Variants in VTI1A observed in about 807,000 individuals in gnomAD.
VTI1A encodes vesicle transport through interaction with t-SNAREs 1A.
In VTI1A, 22 loss-of-function variants were observed where a neutral mutation model predicts 34.9. That is an observed-to-expected ratio of 0.63 (90% confidence interval 0.45 to 0.90). VTI1A has a LOEUF of 0.90. VTI1A is among the 40% of genes least tolerant of loss of function. VTI1A has a pLI of 0.00. For synonymous variants in VTI1A, 87 were observed against 97.3 expected (o/e 0.89, Z 0.62); for missense variants, 268 against 275.6 (o/e 0.97, Z 0.20).
chr10:112,826,879 A>G, the VTI1A span: 2 of 152,144 alleles, frequency 1.3e-5, no homozygotes, highest in African/African-American at 2.4e-5. Flanking sequence ...AAAAAGTAAT[A>G]CTGCTTTAAG....
At chr10:112,501,734 C>T in intron 3 of VTI1A, among the ~76,000 whole-genome samples, 1 of 133,958 alleles carries the variant, frequency 7.5e-6, no homozygotes, top group African/African-American at 2.8e-5. Flanking sequence ...ATTGAATAGT[C>T]AGATTGTTTT....
At chr10:112,850,590 C>A in the VTI1A span, among the ~76,000 whole-genome samples, 1 of 152,142 alleles carries the variant, frequency 6.6e-6, no homozygotes, top group African/African-American at 2.4e-5. Flanking sequence ...ACTTAAGTTT[C>A]TGCAGAGCAC....
intron 5 of VTI1A, among the ~76,000 whole-genome samples, chr10:112,653,898 A>T (rs1436676197): frequency 6.6e-6 from 1 of 152,154 alleles, no homozygotes; most frequent in African/African-American, 2.4e-5. Context: ...TTGGTAAAAG[A>T]CTCAGTTTTA....
chr10:112,628,599 A>G (rs1275327982), intron 5 of VTI1A, among the ~76,000 whole-genome samples: 1 of 152,226 alleles, frequency 6.6e-6, no homozygotes, highest in Non-Finnish European at 1.5e-5. Context: ...CTGCCCTGGC[A>G]CTGGTTCTCA....
At chr10:112,835,951 T>C in the VTI1A span, among the ~76,000 whole-genome samples, 1 of 152,238 alleles carries the variant, frequency 6.6e-6, no homozygotes, top group African/African-American at 2.4e-5. Context: ...GACATTATTA[T>C]TTGTTGCTTT....
intron 5 of VTI1A, among the ~76,000 whole-genome samples, chr10:112,598,660 T>C (rs1844763447): frequency 1.3e-5 from 2 of 152,194 alleles, no homozygotes; most frequent in African/African-American, 4.8e-5. Context: ...GTAGGATACA[T>C]CAAAGACCCA....
At chr10:112,502,790 C>CTA (rs1228431965) in intron 3 of VTI1A, among the ~76,000 whole-genome samples, 2 of 152,196 alleles carry the variant, frequency 1.3e-5, no homozygotes, top group East Asian at 3.8e-4. Context: ...AACTCTAACC[C>CTA]TATATAACCC....
At chr10:112,777,217 G>A (rs1295404981) in intron 7 of VTI1A, among the ~76,000 whole-genome samples, 1 of 152,114 alleles carries the variant, frequency 6.6e-6, no homozygotes, top group East Asian at 1.9e-4. Context: ...TTCTATACAT[G>A]GATGACCAGA....
At position 112,464,648 on chromosome 10, in the gene VTI1A, A is replaced by G; in HGVS notation, c.255A>G (p.Glu85=). The part of the protein sequence containing the change: ...RSYKQEMGKL[E]TDFKRSRIAY... ...ACAAACAAGAAATGGGAAAACTCGA[A>G]ACAGATTTTGTGAGTCAAATTCGAC... Residue 85 remains glutamate (E), a synonymous_variant, in exon 3 of 8, where the codon GAA becomes GAG. Coordinates refer to ENST00000393077, the MANE Select transcript of VTI1A (RefSeq NM_145206.4). The G allele has an allele frequency of 6.2e-7, 1 of 1,610,748 alleles. No individual in the cohort carries two copies. Among genetic ancestry groups the G allele is most frequent in the Non-Finnish European group, 8.5e-7 (1 of 1,178,094 alleles).
chr10:112,802,176 T>C (rs1452746953), intron 7 of VTI1A, among the ~76,000 whole-genome samples: 15 of 152,086 alleles, frequency 9.9e-5, no homozygotes, highest in Admixed American at 9.8e-4. Flanking sequence ...GCCCAGGAGG[T>C]TGAGGCTGTG....
intron 7 of VTI1A, among the ~76,000 whole-genome samples, chr10:112,697,374 A>ATTTTC (rs540161393): frequency 0.15 from 18,299 of 120,192 alleles, 1,546 homozygotes; most frequent in Middle Eastern, 0.25. Flanking sequence ...TGTTCTTGGT[A>ATTTTC]TTTTCTTTTC....
At chr10:112,654,021 T>A (rs933447726) in intron 5 of VTI1A, among the ~76,000 whole-genome samples, 5 of 152,238 alleles carry the variant, frequency 3.3e-5, no homozygotes, top group African/African-American at 1.2e-4. Context: ...CCTATTGTAC[T>A]TAGAAACAAT....
intron 7 of VTI1A, among the ~76,000 whole-genome samples, chr10:112,675,700 A>G (rs1387574646): frequency 6.6e-6 from 1 of 152,206 alleles, no homozygotes; most frequent in Non-Finnish European, 1.5e-5. Context: ...TTTTATTTCT[A>G]TATCTAACTT....
chr10:112,560,121 A>G (rs1316294888), intron 5 of VTI1A, among the ~76,000 whole-genome samples: 1 of 152,166 alleles, frequency 6.6e-6, no homozygotes, highest in Non-Finnish European at 1.5e-5. Flanking sequence ...CTCTAGAAAG[A>G]TTAGGGTGAG....
At chr10:112,674,382 T>TGG (rs1274480657) in intron 7 of VTI1A, among the ~76,000 whole-genome samples, 1 of 152,230 alleles carries the variant, frequency 6.6e-6, no homozygotes, top group Non-Finnish European at 1.5e-5. Context: ...TTAAAAATCT[T>TGG]GGTTCTTTTT....
rs113193879 is a variant in VTI1A, at chr10:112,644,157, T to C, written c.428-24061T>C. ...CCAGCACGGATGTAGTTTGTTTTCA[T>C]TGCATCTGCAAGAAACATATATATT... On this transcript the variant is annotated intron_variant, in intron 5 of 7. Transcript: ENST00000393077. Among the ~76,000 whole-genome samples, 473 of 152,332 alleles carry C rather than the reference T, an allele frequency of 3.1e-3. 6 individuals carry two copies. Among genetic ancestry groups the C allele is most frequent in the African/African-American group, 0.011 (455 of 41,586 alleles).
chr10:112,531,478 C>CAAAAA (rs1407152404), intron 4 of VTI1A, among the ~76,000 whole-genome samples: 1 of 38,208 alleles, frequency 2.6e-5, no homozygotes. Flanking sequence ...CCGGCCTAAG[C>CAAAAA]AAAGAAAAAA....
chr10:112,543,853 G>A (rs1007436892), intron 5 of VTI1A, among the ~76,000 whole-genome samples: 2 of 152,148 alleles, frequency 1.3e-5, no homozygotes, highest in Non-Finnish European at 2.9e-5. Context: ...ATTAATTTTT[G>A]TATAAGGTGT....
rs1851093958 is a variant in VTI1A, at chr10:112,546,042, GTATATA to G, written c.427+7713_427+7718del. Among the ~76,000 whole-genome samples the G allele has an allele frequency of 3.4e-5, 5 of 146,708 alleles. 1 individual carries two copies. The highest frequency in any genetic ancestry group is 5.0e-5 in the African/African-American group (2 of 39,648). On this transcript the variant is annotated intron_variant, in intron 5 of 7. Transcript: ENST00000393077. Reference sequence around the variant, plus strand: ...TATACGTGTATACGCGTATGTGTGTGTATATACGTGTATACGCGTATGTGTGTGTAT... The same window carrying G: ...TATACGTGTATACGCGTATGTGTGTGCGTGTATACGCGTATGTGTGTGTAT...
Sources: allele counts gnomAD v4.1 joint callset (sites outside exome capture counted in the v4.1 genomes callset), GRCh38; gene constraint gnomAD v4.1.1; transcripts MANE v1.5; gene names NCBI Gene and HGNC (gene_info 2026-07-23, HGNC 2026-07-21).